Variants in PTK2 observed in about 807,000 individuals in gnomAD.
The protein encoded by PTK2 is focal adhesion kinase 1.
Under a neutral mutation model 150.1 loss-of-function variants are expected in PTK2, and 45 were observed. That is an observed-to-expected ratio of 0.30 (90% CI 0.24 to 0.38). PTK2 has a LOEUF of 0.38. PTK2 is among the 10% of genes least tolerant of loss of function. PTK2 has a pLI of 1.00. For missense variants in PTK2, 919 were observed against 1,307.3 expected, an observed-to-expected ratio of 0.70 and a Z score of 4.58; for synonymous variants, 432 against 449.2, an observed-to-expected ratio of 0.96 and a Z score of 0.48.
chr8:140,787,340 A>G (rs1192940494), intron 14 of PTK2, among the ~76,000 whole-genome samples: 2 of 152,230 alleles, frequency 1.3e-5, no homozygotes, highest in African/African-American at 4.8e-5. Flanking sequence ...TTACAACAAG[A>G]AAACTATCTT....
chr8:140,714,522 C>T (rs187263253), intron 23 of PTK2, among the ~76,000 whole-genome samples: 121 of 151,316 alleles, frequency 8.0e-4, no homozygotes, highest in African/African-American at 2.9e-3. Flanking sequence ...GACAGCCGGG[C>T]GTGGTGGTTC....
At chr8:140,731,637 G>A (rs2100049452) in intron 22 of PTK2, among the ~76,000 whole-genome samples, 1 of 152,178 alleles carries the variant, frequency 6.6e-6, no homozygotes, top group Admixed American at 6.5e-5. Context: ...GCTCATGCCT[G>A]TAATCTCAGT....
intron 5 of PTK2, among the ~76,000 whole-genome samples, chr8:140,861,330 C>T (rs1466222720): frequency 6.6e-6 from 1 of 152,056 alleles, no homozygotes; most frequent in Admixed American, 6.5e-5. Flanking sequence ...GACTGGGCAA[C>T]AGAGCAAGAC....
chr8:140,802,658 C>T, intron 11 of PTK2, among the ~76,000 whole-genome samples: 1 of 152,176 alleles, frequency 6.6e-6, no homozygotes. Flanking sequence ...ATGGTAAGGG[C>T]TCTATGCAGG....
At chr8:140,819,557 CTA>C (rs1487856492) in intron 8 of PTK2, among the ~76,000 whole-genome samples, 1 of 152,230 alleles carries the variant, frequency 6.6e-6, no homozygotes, top group East Asian at 1.9e-4. Context: ...GTTACGTAAA[CTA>C]TGGTGTATCT....
At chr8:141,001,371 T>G (rs1207785576), upstream of PTK2, 1 of 149,084 alleles carries the variant, frequency 6.7e-6, no homozygotes, top group Non-Finnish European at 1.5e-5. Flanking sequence ...CCGGTCTCAG[T>G]CCGGAGTTCC....
chr8:140,894,690 T>C (rs889483000), intron 2 of PTK2, among the ~76,000 whole-genome samples: 2 of 152,204 alleles, frequency 1.3e-5, no homozygotes, highest in African/African-American at 4.8e-5. Context: ...AATATAAATG[T>C]ATCTGCTCAT....
At chr8:140,982,546 G>A (rs1219454549) in intron 1 of PTK2, among the ~76,000 whole-genome samples, 5 of 151,996 alleles carry the variant, frequency 3.3e-5, no homozygotes, top group South Asian at 2.1e-4. Context: ...GCAGTGAGCC[G>A]AGATAGCACC....
intron 5 of PTK2, among the ~76,000 whole-genome samples, chr8:140,864,102 T>A (rs1229987505): frequency 6.6e-6 from 1 of 152,224 alleles, no homozygotes; most frequent in Non-Finnish European, 1.5e-5. Flanking sequence ...ATAATAGAAG[T>A]TATCTTTTAA....
chr8:140,996,754 A>G, intron 1 of PTK2, among the ~76,000 whole-genome samples: 1 of 152,278 alleles, frequency 6.6e-6, no homozygotes. Flanking sequence ...GATTCCTATC[A>G]AAATATTACT....
intron 1 of PTK2, among the ~76,000 whole-genome samples, chr8:140,931,468 G>A (rs964332825): frequency 6.6e-6 from 1 of 152,212 alleles, no homozygotes; most frequent in South Asian, 2.1e-4. Context: ...AGGAGGCTGA[G>A]GTGGGAGGAT....
At chr8:140,924,496 A>G (rs1221883025) in intron 2 of PTK2, among the ~76,000 whole-genome samples, 1 of 151,992 alleles carries the variant, frequency 6.6e-6, no homozygotes, top group African/African-American at 2.4e-5. Context: ...GCCATATTCC[A>G]CCACCCTCCT....
intron 26 of PTK2, among the ~76,000 whole-genome samples, chr8:140,694,086 G>C (rs1364650636): frequency 1.3e-5 from 2 of 150,314 alleles, no homozygotes; most frequent in African/African-American, 4.9e-5. Context: ...TGTCGCCCAG[G>C]CTGGAGTGCA....
At chr8:140,867,946 G>A (rs527394265) in intron 4 of PTK2, among the ~76,000 whole-genome samples, 1 of 152,194 alleles carries the variant, frequency 6.6e-6, no homozygotes, top group Non-Finnish European at 1.5e-5. Context: ...GCCATTTTAA[G>A]AGTCTAGTTG....
intron 2 of PTK2, among the ~76,000 whole-genome samples, chr8:140,919,353 T>C (rs556187341): frequency 6.6e-6 from 1 of 152,338 alleles, no homozygotes; most frequent in Admixed American, 6.5e-5. Flanking sequence ...ATAAGTTGTT[T>C]CCATCAATCA....
rs749950344 is a variant in PTK2 at position 140,702,712 on chromosome 8, G to T, written c.2230-5C>A. The T allele has an allele frequency of 1.2e-6, 2 of 1,613,204 alleles. No homozygotes were observed. Among genetic ancestry groups the T allele is most frequent in the Non-Finnish European group, 1.7e-6 (2 of 1,179,384 alleles). ...TGAACCAGGGTAGCCAGAAACCTGT[G>T]AATGAGTAAGGAGGCAAGGTAATGT... On this transcript the variant is annotated splice_region_variant and splice_polypyrimidine_tract_variant and intron_variant, in intron 24 of 31. Coordinates refer to ENST00000522684, the Ensembl canonical transcript of PTK2.
chr8:140,660,514 A>T, intron 31 of PTK2: 2 of 431,288 alleles, frequency 4.6e-6, no homozygotes, highest in Non-Finnish European at 9.3e-6. Context: ...GCTTGAGCTC[A>T]AAAGTTTGAG....
At chr8:140,699,728 G>C (rs552172339) in intron 26 of PTK2, among the ~76,000 whole-genome samples, 3 of 152,120 alleles carry the variant, frequency 2.0e-5, no homozygotes, top group African/African-American at 7.2e-5. Flanking sequence ...ATATTTCTGA[G>C]CCCATAATGA....
chr8:140,894,986 A>G (rs981435551), intron 2 of PTK2, among the ~76,000 whole-genome samples: 6 of 152,206 alleles, frequency 3.9e-5, no homozygotes, highest in African/African-American at 1.4e-4. Flanking sequence ...TTGCCCATAC[A>G]CTGAGTGAAA....
Sources: allele counts gnomAD v4.1 joint callset (sites outside exome capture counted in the v4.1 genomes callset), GRCh38; gene constraint gnomAD v4.1.1; transcripts MANE v1.5; gene names NCBI Gene and HGNC (gene_info 2026-07-23, HGNC 2026-07-21).